The following ZNF469 variants were observed in gnomAD, a reference collection of about 807,000 sequenced individuals.
ZNF469 encodes zinc finger protein 469.
A neutral mutation model predicts 1.0 loss-of-function variants in ZNF469; 1 was observed. The ratio of observed to expected loss-of-function variants is 1.00; its 90% CI spans 0.35 to 4.73. The LOEUF is 4.73. Among genes scored for constraint, ZNF469 ranks in the 30% most tolerant of loss-of-function variants. ZNF469 has a pLI of 0.16. For synonymous variants in ZNF469, 2,703 were observed against 2,363.4 expected, an observed-to-expected ratio of 1.14 and a Z score of -4.17; for missense variants, 6,100 against 5,356.3, an observed-to-expected ratio of 1.14 and a Z score of -4.33.
In ZNF469 at chr16:88,431,174, C is replaced by T. The variant is rs1264302080; in HGVS notation, c.3704C>T (p.Ala1235Val). Residue 1235 changes from alanine to valine, a missense_variant, in exon 3 of 3, where the codon GCC becomes GTC. Transcript: ENST00000565624. ...AKEPETAEES[A>V]PDSTEFTEAL... ...GAGCCTGAAACTGCCGAAGAGTCAG[C>T]CCCGGACAGCACAGAATTCACAGAG... is the stretch of plus-strand genomic sequence containing the variant. 4 of 1,550,362 alleles carry T rather than the reference C, an allele frequency of 2.6e-6. No homozygotes were observed. The highest frequency in any genetic ancestry group is 2.0e-5 in the Admixed American group (1 of 51,014).
At chr16:88,244,595 G>A in the ZNF469 span, among the ~76,000 whole-genome samples, 1 of 151,746 alleles carries the variant, frequency 6.6e-6, no homozygotes, top group Non-Finnish European at 1.5e-5. Flanking sequence ...ATGGATGGAT[G>A]TGTGGGTGTC....
At chr16:88,214,473 T>G in the ZNF469 span, among the ~76,000 whole-genome samples, 34 of 52,192 alleles carry the variant, frequency 6.5e-4, no homozygotes, top group African/African-American at 1.8e-3. Flanking sequence ...TTCTTTTGAG[T>G]TTTTTTTTTA....
At chr16:88,415,278 G>A (rs185147661) in intron 1 of ZNF469, among the ~76,000 whole-genome samples, 3 of 152,212 alleles carry the variant, frequency 2.0e-5, no homozygotes, top group East Asian at 1.9e-4. Context: ...GAGAGGGGCC[G>A]GGAGCCTCCA....
chr16:88,146,457 C>A, the ZNF469 span, among the ~76,000 whole-genome samples: 1 of 152,140 alleles, frequency 6.6e-6, no homozygotes, highest in Non-Finnish European at 1.5e-5. Flanking sequence ...CCGGGTCTCA[C>A]GCCCCCAGGT....
the ZNF469 span, among the ~76,000 whole-genome samples, chr16:88,164,471 G>C: frequency 9.2e-5 from 14 of 152,126 alleles, no homozygotes; most frequent in African/African-American, 3.4e-4. Context: ...ATAGATGGGT[G>C]GCCAGATGCA....
At chr16:88,240,994 G>A in the ZNF469 span, among the ~76,000 whole-genome samples, 1 of 152,136 alleles carries the variant, frequency 6.6e-6, no homozygotes, top group African/African-American at 2.4e-5. Flanking sequence ...CTGCCAGGAG[G>A]GCCGCCCACA....
rs1383898636 is a variant in ZNF469, at chr16:88,434,087, C to A, written c.6617C>A (p.Pro2206His). The A allele has an allele frequency of 6.5e-7, 1 of 1,550,272 alleles. No homozygotes were observed. The highest frequency in any genetic ancestry group is 1.4e-5 in the African/African-American group (1 of 73,050). The change falls in exon 3 of 3, where the codon CCC becomes CAC. Residue 2206 changes from proline (P) to histidine (H), a missense_variant. By Grantham distance (77) the Pro-to-His change is moderately conservative. Transcript: ENST00000565624. ...TCTTTGACAACAAGCCCCTGCGATC[C>A]CAAGGAAGCCCTGGCTGGTTGCCTT... is the stretch of plus-strand genomic sequence containing the variant. ...PPSLTTSPCD[P>H]KEALAGCLLQ...
the ZNF469 span, among the ~76,000 whole-genome samples, chr16:88,300,625 A>G: frequency 2.0e-5 from 3 of 152,016 alleles, no homozygotes; most frequent in South Asian, 4.2e-4. Flanking sequence ...TAACACTTGC[A>G]TAGAGCACGT....
the ZNF469 span, among the ~76,000 whole-genome samples, chr16:88,315,164 C>A: frequency 6.6e-6 from 1 of 152,222 alleles, no homozygotes; most frequent in Non-Finnish European, 1.5e-5. Context: ...GAAGGTCTCC[C>A]CCGAGGGCCA....
At chr16:88,323,307 C>T in the ZNF469 span, among the ~76,000 whole-genome samples, 4 of 152,204 alleles carry the variant, frequency 2.6e-5, no homozygotes, top group East Asian at 3.9e-4. Flanking sequence ...CTGACACCCT[C>T]GCAGGCCGCT....
chr16:88,367,556 G>A, the ZNF469 span, among the ~76,000 whole-genome samples: 5 of 152,200 alleles, frequency 3.3e-5, no homozygotes, highest in East Asian at 1.9e-4. Context: ...GGAAGTGCAC[G>A]TCCCAGCGCC....
rs537486995 is a variant in ZNF469 at position 88,384,546 on chromosome 16, G to T, written c.-192+1292G>T. ...GGGAGACGTGTCTTCCATGCCATGC[G>T]CCTGGCAGGTCCCAGACCACAGGAC... is the stretch of plus-strand genomic sequence containing the variant. On this transcript the variant is annotated intron_variant, in intron 1 of 2. Coordinates refer to ENST00000565624, the MANE Select transcript of ZNF469 (RefSeq NM_001367624.2). 2.6e-5 allele frequency among the ~76,000 whole-genome samples: 4 copies of T among 152,330 alleles called. No individual in the cohort carries two copies. The South Asian group carries it at 8.3e-4, about 32-fold the overall frequency.
At chr16:88,110,409 C>T in the ZNF469 span, among the ~76,000 whole-genome samples, 4 of 152,270 alleles carry the variant, frequency 2.6e-5, no homozygotes, top group East Asian at 1.9e-4. Flanking sequence ...GGTCTCCGTC[C>T]GTCTTCTCTG....
chr16:88,377,616 C>G, the ZNF469 span, among the ~76,000 whole-genome samples: 30 of 152,186 alleles, frequency 2.0e-4, 1 homozygote, highest in African/African-American at 6.7e-4. Context: ...CCCTGACACT[C>G]CCTCCCTCAA....
At chr16:88,357,436 G>A in the ZNF469 span, among the ~76,000 whole-genome samples, 2 of 152,212 alleles carry the variant, frequency 1.3e-5, no homozygotes, top group African/African-American at 4.8e-5. Context: ...GACATGGGAA[G>A]TGTAGGTTCG....
upstream of ZNF469, among the ~76,000 whole-genome samples, chr16:88,379,632 C>A (rs926678555): frequency 3.9e-5 from 6 of 152,130 alleles, no homozygotes; most frequent in African/African-American, 1.2e-4. Context: ...TTCCTGTGCA[C>A]TGGGGAGGCG....
chr16:88,427,926 C>T lies in ZNF469; in HGVS notation c.456C>T (p.Thr152=), dbSNP rs1475096816. ...LEAAQLPEVD[T]PQGPGTGAPL... is the part of the protein sequence containing the mutation. ...CTGCCCAGCTCCCTGAGGTGGACACCCCCCAGGGCCCTGGGACTGGAGCTC... is the reference window on the plus strand; with the variant it reads ...CTGCCCAGCTCCCTGAGGTGGACACTCCCCAGGGCCCTGGGACTGGAGCTC... The change falls in exon 3 of 3, where the codon ACC becomes ACT. Residue 152 remains threonine (T), a synonymous_variant. Coordinates refer to ENST00000565624, the MANE Select transcript of ZNF469 (RefSeq NM_001367624.2). The T allele has an allele frequency of 1.3e-6, 2 of 1,549,918 alleles. No individual in the cohort carries two copies. Among genetic ancestry groups the T allele is most frequent in the Non-Finnish European group, 1.7e-6 (2 of 1,146,840 alleles).
At chr16:88,401,679 A>G (rs1401905159) in intron 1 of ZNF469, among the ~76,000 whole-genome samples, 1 of 28,016 alleles carries the variant, frequency 3.6e-5, no homozygotes, top group African/African-American at 1.6e-4. Flanking sequence ...GGGTGAGTGC[A>G]TGGATGGATG....
the ZNF469 span, among the ~76,000 whole-genome samples, chr16:88,364,738 C>T: frequency 7.9e-5 from 12 of 152,198 alleles, no homozygotes; most frequent in African/African-American, 1.2e-4. Context: ...CCAAAGCAGG[C>T]GGATCACTTG....
Sources: allele counts gnomAD v4.1 joint callset (sites outside exome capture counted in the v4.1 genomes callset), GRCh38; gene constraint gnomAD v4.1.1; transcripts MANE v1.5; gene names NCBI Gene and HGNC (gene_info 2026-07-23, HGNC 2026-07-21).